METAP2: variants seen among roughly 807,000 people sequenced by gnomAD.
METAP2 encodes methionine aminopeptidase 2.
In METAP2, 25 loss-of-function variants were observed where a neutral mutation model predicts 59.4. That is an observed-to-expected ratio of 0.42 (90% CI 0.31 to 0.59). The LOEUF is 0.59. Ranked by LOEUF, METAP2 falls within the 20% of genes least tolerant of loss-of-function variation. The probability of loss-of-function intolerance (pLI) is 0.16; values close to 1 mark genes in which losing one functional copy is unlikely to be tolerated. For synonymous variants in METAP2, 214 were observed against 194.1 expected (o/e 1.10, Z -0.85); for missense variants, 366 against 581.2 (o/e 0.63, Z 3.81).
chr12:95,476,827 A>G (rs946489526), intron 2 of METAP2, among the ~76,000 whole-genome samples: 4 of 152,180 alleles, frequency 2.6e-5, no homozygotes, highest in African/African-American at 9.6e-5. Context: ...ATACTTTCCT[A>G]GGTTATTTTC....
chr12:95,477,128 G>A (rs2076125884), intron 2 of METAP2, among the ~76,000 whole-genome samples: 1 of 151,446 alleles, frequency 6.6e-6, no homozygotes, highest in South Asian at 2.1e-4. Context: ...TTTTGAGACC[G>A]AGTCTCGCTC....
At position 95,513,998 on chromosome 12, in the gene METAP2, C is replaced by T; in HGVS notation, c.*94C>T. 1 of 1,345,278 alleles carries T rather than the reference C, an allele frequency of 7.4e-7. No homozygotes were observed. The highest frequency in any genetic ancestry group is 1.0e-6 in the Non-Finnish European group (1 of 984,474). 83.3% of individuals were successfully genotyped at this position (1,345,278 alleles called of 1,614,324 possible). A position where few individuals can be genotyped will look rare whatever the true frequency, so the allele number is the denominator to read the frequency against. Reference sequence around the variant, plus strand: ...ATTTGCCACATGTTGTCTGTTTTAACAGTGGACCCATGTAATACTTTTATC... The same window carrying T: ...ATTTGCCACATGTTGTCTGTTTTAATAGTGGACCCATGTAATACTTTTATC... On this transcript the variant is annotated 3_prime_UTR_variant, in exon 11 of 11. Coordinates refer to ENST00000323666, the MANE Select transcript of METAP2 (RefSeq NM_006838.4).
At chr12:95,479,210 A>G (rs891677787) in intron 2 of METAP2, among the ~76,000 whole-genome samples, 1 of 152,242 alleles carries the variant, frequency 6.6e-6, no homozygotes, top group African/African-American at 2.4e-5. Context: ...GCCCAGGCAT[A>G]TGGTAATGAA....
chr12:95,512,280 G>A (rs950861852), intron 9 of METAP2, among the ~76,000 whole-genome samples: 19 of 152,194 alleles, frequency 1.2e-4, no homozygotes, highest in African/African-American at 3.9e-4. Flanking sequence ...TCTAGGGGTA[G>A]AGCTGTGAAC....
rs1316578722 is a variant in METAP2 at position 95,515,347 on chromosome 12, C to T, written c.*1443C>T. The T allele has an allele frequency of 6.6e-6, 1 of 152,266 alleles. No individual in the cohort carries two copies. The highest frequency in any genetic ancestry group is 1.5e-5 in the Non-Finnish European group (1 of 68,042). The allele number at this position is 152,266 out of a possible 1,614,324, so 9.4% of individuals were successfully genotyped here. On this transcript the variant is annotated 3_prime_UTR_variant, in exon 11 of 11. Transcript: ENST00000323666. ...TTATGGTGCTAATGTTCAGTAGCCA[C>T]ATTTGACTAATGTCTCCATTCTCTG...
chr12:95,497,351 G>A (rs67665017), intron 7 of METAP2, among the ~76,000 whole-genome samples: 13,239 of 152,122 alleles, frequency 0.087, 816 homozygotes, highest in African/African-American at 0.17. Context: ...TTTGTGACTG[G>A]TTTATTTCAC....
chr12:95,506,228 T>A (rs1223724373), intron 8 of METAP2, among the ~76,000 whole-genome samples: 1 of 151,894 alleles, frequency 6.6e-6, no homozygotes, highest in Admixed American at 6.6e-5. Context: ...ACTACAGATG[T>A]ACAGTATCAT....
At chr12:95,484,795 T>C (rs1380384598) in intron 3 of METAP2, 1 of 447,952 alleles carries the variant, frequency 2.2e-6, no homozygotes, top group South Asian at 1.6e-5. Flanking sequence ...TTGTGACCTG[T>C]GCAAATAATT....
intron 8 of METAP2, among the ~76,000 whole-genome samples, chr12:95,507,607 C>T (rs1285647739): frequency 6.6e-6 from 1 of 152,178 alleles, no homozygotes; most frequent in Non-Finnish European, 1.5e-5. Context: ...TCAAACACTG[C>T]GTTAAGGATC....
intron 3 of METAP2, among the ~76,000 whole-genome samples, chr12:95,484,563 G>C (rs1315868754): frequency 1.3e-5 from 2 of 152,008 alleles, no homozygotes; most frequent in Admixed American, 6.5e-5. Flanking sequence ...GACCAGCAGG[G>C]AGGAGTGTTG....
chr12:95,477,914 T>C (rs563017532), intron 2 of METAP2, among the ~76,000 whole-genome samples: 2 of 152,352 alleles, frequency 1.3e-5, no homozygotes, highest in Non-Finnish European at 2.9e-5. Flanking sequence ...TATGAACTTA[T>C]TTTGAGCTCT....
Position 95,511,968 on chromosome 12 carries a change from T to C in METAP2, c.1038T>C (p.Ile346=). The change falls in exon 9 of 11, where the codon ATT becomes ATC. Residue 346 remains isoleucine, a synonymous_variant. Coordinates refer to ENST00000323666, the MANE Select transcript of METAP2 (RefSeq NM_006838.4). ...TACATGCTGGAAAAACAGTGCCGATTGTGAAAGGAGGGGAGGCAACAAGAA... is the reference window on the plus strand; with the variant it reads ...TACATGCTGGAAAAACAGTGCCGATCGTGAAAGGAGGGGAGGCAACAAGAA... ...YRIHAGKTVP[I]VKGGEATRME... 1.2e-6 allele frequency: 2 copies of C among 1,613,390 alleles called. No homozygotes were observed. The highest frequency in any genetic ancestry group is 1.7e-6 in the Non-Finnish European group (2 of 1,179,526).
intron 8 of METAP2, among the ~76,000 whole-genome samples, chr12:95,509,865 T>A (rs2076389484): frequency 6.6e-6 from 1 of 150,844 alleles, no homozygotes; most frequent in Non-Finnish European, 1.5e-5. Context: ...TTTTTTTTTT[T>A]TGAGACTCTG....
chr12:95,501,584 A>G (rs1418100555), intron 7 of METAP2, among the ~76,000 whole-genome samples: 1 of 152,020 alleles, frequency 6.6e-6, no homozygotes, highest in Non-Finnish European at 1.5e-5. Context: ...GCTTAGTGGC[A>G]TGCGCCTGTA....
intron 6 of METAP2, 88 bp downstream of exon 6, chr12:95,495,226 C>A: frequency 8.6e-7 from 1 of 1,158,304 alleles, no homozygotes; most frequent in Non-Finnish European, 1.2e-6. Flanking sequence ...ATACTGAACT[C>A]CCAAATTTTG....
intron 4 of METAP2, among the ~76,000 whole-genome samples, chr12:95,492,144 G>GTGTGTGTGTGTGTATGTATA (rs2076242744): frequency 6.6e-6 from 1 of 151,552 alleles, no homozygotes. Flanking sequence ...GTGTGTGTGT[G>GTGTGTGTGTGTGTATGTATA]TGTGTGTGTG....
intron 7 of METAP2, among the ~76,000 whole-genome samples, chr12:95,497,445 A>G (rs1248050567): frequency 1.3e-5 from 2 of 152,216 alleles, no homozygotes; most frequent in African/African-American, 2.4e-5. Flanking sequence ...TATTGTGTGT[A>G]TATACCACAT....
intron 7 of METAP2, among the ~76,000 whole-genome samples, chr12:95,501,719 GAA>G (rs527890402): frequency 1.8e-5 from 2 of 111,090 alleles, no homozygotes; most frequent in Admixed American, 8.9e-5. Context: ...GTTTCAAAAA[GAA>G]AAAAAAAAAA....
chr12:95,482,805 AAAG>A (rs1277531836), intron 2 of METAP2, among the ~76,000 whole-genome samples: 2 of 152,288 alleles, frequency 1.3e-5, no homozygotes, highest in South Asian at 2.1e-4. Flanking sequence ...AAAAGAAAGA[AAAG>A]AAGTGGCAAT....
Sources: allele counts gnomAD v4.1 joint callset (sites outside exome capture counted in the v4.1 genomes callset), GRCh38; gene constraint gnomAD v4.1.1; transcripts MANE v1.5; gene names NCBI Gene and HGNC (gene_info 2026-07-23, HGNC 2026-07-21).